Variants in BMPR2 observed in about 807,000 individuals in gnomAD.
BMPR2 encodes bone morphogenetic protein receptor type-2.
In BMPR2, 29 loss-of-function variants were observed where a neutral mutation model predicts 100.8. That is an observed-to-expected ratio of 0.29 (90% CI 0.21 to 0.39). The LOEUF is 0.39. Ranked by LOEUF, BMPR2 falls within the 10% of genes least tolerant of loss-of-function variation. BMPR2 has a pLI of 1.00. For missense variants in BMPR2, 1,011 were observed against 1,274.5 expected (o/e 0.79, Z 3.15); for synonymous variants, 382 against 442.3 (o/e 0.86, Z 1.71).
intron 1 of BMPR2, among the ~76,000 whole-genome samples, chr2:202,404,267 C>T (rs1196757492): frequency 3.3e-5 from 5 of 150,454 alleles, no homozygotes; most frequent in African/African-American, 1.2e-4. Context: ...TCTCGGCTCA[C>T]TGCAACCTCC....
chr2:202,390,581 C>T (rs1007154954), intron 1 of BMPR2, among the ~76,000 whole-genome samples: 1 of 152,150 alleles, frequency 6.6e-6, no homozygotes, highest in African/African-American at 2.4e-5. Flanking sequence ...ATACACATGC[C>T]TCGGCCTCCC....
intron 3 of BMPR2, among the ~76,000 whole-genome samples, chr2:202,506,438 G>A (rs1161596683): frequency 2.0e-5 from 3 of 151,988 alleles, no homozygotes; most frequent in Non-Finnish European, 2.9e-5. Context: ...TTACAGACAT[G>A]AGCCACCATG....
intron 1 of BMPR2, among the ~76,000 whole-genome samples, chr2:202,381,001 G>T (rs1201215874): frequency 8.9e-6 from 1 of 112,058 alleles, no homozygotes. Flanking sequence ...TTGAGACAGA[G>T]TCTGGCTCGG....
chr2:202,466,369 C>T (rs1024737274), intron 2 of BMPR2, among the ~76,000 whole-genome samples: 6 of 151,828 alleles, frequency 4.0e-5, no homozygotes, highest in African/African-American at 1.5e-4. Flanking sequence ...TCACTGCAAC[C>T]TCCGCCTCCC....
At chr2:202,461,548 C>G (rs1458888174) in intron 1 of BMPR2, among the ~76,000 whole-genome samples, 1 of 152,138 alleles carries the variant, frequency 6.6e-6, no homozygotes, top group Non-Finnish European at 1.5e-5. Flanking sequence ...CATCAATAAG[C>G]ATGTGTAATT....
At chr2:202,445,181 G>C (rs926089038) in intron 1 of BMPR2, among the ~76,000 whole-genome samples, 3 of 150,162 alleles carry the variant, frequency 2.0e-5, no homozygotes, top group Non-Finnish European at 2.9e-5. Flanking sequence ...TTTTTGTATA[G>C]GAGTCCCACA....
intron 3 of BMPR2, among the ~76,000 whole-genome samples, chr2:202,502,226 A>G (rs1220288516): frequency 6.6e-6 from 1 of 152,260 alleles, no homozygotes; most frequent in Non-Finnish European, 1.5e-5. Context: ...CCACAAGGAA[A>G]TTATAGAGTT....
intron 1 of BMPR2, among the ~76,000 whole-genome samples, chr2:202,393,922 A>AGAGATT (rs1690607693): frequency 7.5e-6 from 1 of 133,550 alleles, no homozygotes; most frequent in Non-Finnish European, 1.6e-5. Context: ...AGAGAGAGAG[A>AGAGATT]GAGAGAGAGA....
Position 202,458,632 on chromosome 2 carries a change from G to T in BMPR2, c.77-6177G>T, listed in dbSNP as rs145905434. On this transcript the variant is annotated intron_variant, in intron 1 of 12. Coordinates refer to ENST00000374580, the MANE Select transcript of BMPR2 (RefSeq NM_001204.7). ...AGATCTTTAGAATAGATGATAACCA[G>T]TGGTGATTGTTTCTTTAATGTGCAC... Among the ~76,000 whole-genome samples the T allele has an allele frequency of 9.2e-5, 14 of 152,126 alleles. No individual in the cohort carries two copies. The East Asian group carries it at 2.7e-3, about 29-fold the overall frequency.
intron 1 of BMPR2, among the ~76,000 whole-genome samples, chr2:202,402,985 C>T (rs866059205): frequency 8.1e-4 from 122 of 151,550 alleles, no homozygotes; most frequent in Non-Finnish European, 7.1e-4. Context: ...TGCGCCACCA[C>T]GCCCGGCTAA....
chr2:202,444,254 G>T (rs1387927545), intron 1 of BMPR2, among the ~76,000 whole-genome samples: 1 of 150,632 alleles, frequency 6.6e-6, no homozygotes. Flanking sequence ...TTAAATTATT[G>T]CTAAATAATT....
At chr2:202,380,344 A>G (rs1690253485) in intron 1 of BMPR2, among the ~76,000 whole-genome samples, 1 of 152,220 alleles carries the variant, frequency 6.6e-6, no homozygotes, top group Non-Finnish European at 1.5e-5. Context: ...GCAATTTTAC[A>G]TACATCTCTT....
At chr2:202,399,711 G>A (rs916662950) in intron 1 of BMPR2, among the ~76,000 whole-genome samples, 1 of 152,206 alleles carries the variant, frequency 6.6e-6, no homozygotes, top group African/African-American at 2.4e-5. Context: ...GGTAGTGGCA[G>A]GTTGGATTTT....
In BMPR2 at chr2:202,376,330, T is replaced by C. The variant is rs1280733712; in HGVS notation, c.-1145T>C. On this transcript the variant is annotated 5_prime_UTR_variant, in exon 1 of 13. Transcript: ENST00000374580. The stretch of plus-strand genomic sequence containing the variant: ...GCCGCAGACTGGCAGCTGCGGCGAC[T>C]CCCCCCTTTGTGTCTGGTCTGCTCG... Among the ~76,000 whole-genome samples the C allele has an allele frequency of 2.1e-5, 3 of 141,500 alleles. No homozygotes were observed. Among genetic ancestry groups the C allele is most frequent in the African/African-American group, 8.0e-5 (3 of 37,580 alleles). The allele number at this position is 141,500 out of a possible 152,430, so 92.8% of individuals were successfully genotyped here.
At chr2:202,440,846 C>T (rs1023499598) in intron 1 of BMPR2, among the ~76,000 whole-genome samples, 1 of 150,524 alleles carries the variant, frequency 6.6e-6, no homozygotes, top group African/African-American at 2.5e-5. Context: ...GTGGGTTTTT[C>T]ATAGATGCCT....
intron 9 of BMPR2, among the ~76,000 whole-genome samples, chr2:202,538,383 G>T (rs1688204538): frequency 6.6e-6 from 1 of 152,082 alleles, no homozygotes; most frequent in East Asian, 1.9e-4. Flanking sequence ...TTGAACTAGG[G>T]AGGCGGAGGT....
chr2:202,534,467 G>C (rs1469443981), intron 9 of BMPR2, among the ~76,000 whole-genome samples: 2 of 151,880 alleles, frequency 1.3e-5, no homozygotes, highest in East Asian at 1.9e-4. Context: ...GACTCTTAAC[G>C]AGCATGCTGC....
In BMPR2 at chr2:202,567,063, G is replaced by A. The variant is rs776147570; in HGVS notation, c.*7117G>A. On this transcript the variant is annotated 3_prime_UTR_variant, in exon 13 of 13. Transcript: ENST00000374580. ...TATTTAAGCAATTTTTGTATGCCTT[G>A]TTATTTCATTTCCATAGAGATTATA... The A allele has an allele frequency of 3.3e-5, 5 of 152,078 alleles. No homozygotes were observed. The highest frequency in any genetic ancestry group is 3.3e-4 in the Admixed American group (5 of 15,266). The allele number at this position is 152,078 out of a possible 1,614,324, so 9.4% of individuals were successfully genotyped here.
intron 3 of BMPR2, among the ~76,000 whole-genome samples, chr2:202,507,310 A>AG (rs1687538281): frequency 2.0e-5 from 3 of 152,154 alleles, no homozygotes; most frequent in Non-Finnish European, 4.4e-5. Flanking sequence ...ACTTGTTATC[A>AG]GGGAAGTGTT....
Sources: gnomAD v4.1 joint callset for allele counts (sites outside exome capture counted in the v4.1 genomes callset) on GRCh38, gnomAD v4.1.1 for gene constraint, MANE v1.5 for transcripts, NCBI Gene and HGNC (gene_info 2026-07-23, HGNC 2026-07-21) for gene names.